The following SLC12A2 variants were observed in gnomAD, a reference collection of about 807,000 sequenced individuals.
SLC12A2 encodes the protein Na-K-2Cl cotransporter 1.
Under a neutral mutation model 136.3 loss-of-function variants are expected in SLC12A2, and 67 were observed. That is an observed-to-expected ratio of 0.49 (90% CI 0.40 to 0.60). SLC12A2 has a LOEUF of 0.60. SLC12A2 is among the 20% of genes least tolerant of loss of function. The pLI is 0.00. For missense variants in SLC12A2, 1,322 were observed against 1,534.7 expected, an observed-to-expected ratio of 0.86 and a Z score of 2.32; for synonymous variants, 619 against 562.9, an observed-to-expected ratio of 1.10 and a Z score of -1.41.
At chr5:128,128,523 C>T (rs906534910) in intron 4 of SLC12A2, among the ~76,000 whole-genome samples, 1 of 151,906 alleles carries the variant, frequency 6.6e-6, no homozygotes, top group East Asian at 1.9e-4. Flanking sequence ...TTAGCGATAA[C>T]AGAAAGGCTG....
rs764759296 is a variant in SLC12A2 at position 128,158,188 on chromosome 5, T to C, written c.2475+24T>C. 6 of 1,558,184 alleles carry C rather than the reference T, an allele frequency of 3.9e-6. 1 individual carries two copies. In the Admixed American group the frequency reaches 9.2e-5, roughly 24 times the overall value. On this transcript the variant is annotated intron_variant, in intron 16 of 26. Transcript: ENST00000262461. Reference sequence around the variant, plus strand: ...TGGTAAGTATCAATTTTGTTTTCTTTTTCAAGTTTTTTTTTAAAGTTTTAT... The same window carrying C: ...TGGTAAGTATCAATTTTGTTTTCTTCTTCAAGTTTTTTTTTAAAGTTTTAT...
intron 24 of SLC12A2, 152 bp downstream of exon 24, chr5:128,183,093 T>TA (rs1419341209): frequency 2.2e-5 from 12 of 547,784 alleles, no homozygotes; most frequent in Non-Finnish European, 3.7e-5. Context: ...GGCATGCATA[T>TA]ATCAGATATT....
intron 14 of SLC12A2, among the ~76,000 whole-genome samples, chr5:128,152,330 A>G (rs1243166151): frequency 1.3e-5 from 2 of 152,180 alleles, no homozygotes; most frequent in African/African-American, 4.8e-5. Flanking sequence ...AAATAACCCA[A>G]ACAGTTAAGT....
intron 1 of SLC12A2, among the ~76,000 whole-genome samples, chr5:128,107,224 GGTT>G (rs1240765871): frequency 6.6e-6 from 1 of 152,066 alleles, no homozygotes; most frequent in Non-Finnish European, 1.5e-5. Context: ...AGCTGAAGTG[GGTT>G]GTTATTGTGA....
chr5:128,167,896 G>T lies in SLC12A2; in HGVS notation c.2723+29G>T, dbSNP rs770974692. 3.1e-6 allele frequency: 4 copies of T among 1,290,658 alleles called. No individual in the cohort carries two copies. In the South Asian group the frequency reaches 4.5e-5, roughly 15 times the overall value. 80.0% of individuals were successfully genotyped at this position (1,290,658 alleles called of 1,614,324 possible). The stretch of plus-strand genomic sequence containing the variant: ...AGTATCTTTTTAATTCAATAATTTA[G>T]TTCATTTAGAAAATGTTAATTTTGA... On this transcript the variant is annotated intron_variant, in intron 18 of 26. Transcript: ENST00000262461.
At chr5:128,146,826 A>C (rs186971461) in intron 10 of SLC12A2, among the ~76,000 whole-genome samples, 97 of 151,860 alleles carry the variant, frequency 6.4e-4, no homozygotes, top group African/African-American at 2.2e-3. Flanking sequence ...TCCTAATAGA[A>C]GTACATGATG....
At position 128,171,263 on chromosome 5, in the gene SLC12A2, C is replaced by T. The variant is rs114497458; in HGVS notation, c.2724-404C>T. On this transcript the variant is annotated intron_variant, in intron 18 of 26. Transcript: ENST00000262461. ...TCATATCCTGCAACCTGCTATCATT[C>T]GCAGTAGCATCAAGGTTTTTGTGTG... Among the ~76,000 whole-genome samples, 413 of 152,194 alleles carry T rather than the reference C, an allele frequency of 2.7e-3. 1 individual carries two copies. Among genetic ancestry groups the T allele is most frequent in the African/African-American group, 9.6e-3 (400 of 41,532 alleles).
chr5:128,132,975 T>C (rs1762075991), intron 5 of SLC12A2, among the ~76,000 whole-genome samples: 1 of 152,140 alleles, frequency 6.6e-6, no homozygotes, highest in Non-Finnish European at 1.5e-5. Context: ...ACATTTATTA[T>C]ATAAAATATT....
At chr5:128,120,198 G>T (rs1351868735) in intron 4 of SLC12A2, among the ~76,000 whole-genome samples, 1 of 151,924 alleles carries the variant, frequency 6.6e-6, no homozygotes, top group Non-Finnish European at 1.5e-5. Flanking sequence ...TCATTAAAAA[G>T]TCAGGAAACA....
intron 4 of SLC12A2, among the ~76,000 whole-genome samples, 199 bp from the exon 5 acceptor site, chr5:128,130,868 A>G (rs1212977595): frequency 6.6e-6 from 1 of 152,100 alleles, no homozygotes; most frequent in Non-Finnish European, 1.5e-5. Flanking sequence ...CATTATCTGG[A>G]TGTTGTGAAT....
intron 22 of SLC12A2, among the ~76,000 whole-genome samples, chr5:128,180,669 C>T (rs1174243721): frequency 6.6e-6 from 1 of 152,160 alleles, no homozygotes; most frequent in Non-Finnish European, 1.5e-5. Context: ...GCCACTATCC[C>T]ATTTGGCTAC....
At chr5:128,147,267 G>A (rs985948679) in intron 10 of SLC12A2, among the ~76,000 whole-genome samples, 5 of 151,472 alleles carry the variant, frequency 3.3e-5, no homozygotes, top group Admixed American at 1.3e-4. Flanking sequence ...TTAGAGATAC[G>A]TACTGACATA....
At position 128,083,915 on chromosome 5, in the gene SLC12A2, G is replaced by A; in HGVS notation, c.-40G>A. ...GTGTGGAGGGCGTGCTGCCGGAGAC[G>A]TCCGCCGGGCTCTGCAGTTCCGCCG... On this transcript the variant is annotated 5_prime_UTR_variant, in exon 1 of 27. Transcript: ENST00000262461. 6 of 1,216,442 alleles carry A rather than the reference G, an allele frequency of 4.9e-6. No homozygotes were observed. The highest frequency in any genetic ancestry group is 6.1e-6 in the Non-Finnish European group (6 of 977,576). The allele number at this position is 1,216,442 out of a possible 1,614,324, so 75.4% of individuals were successfully genotyped here. A position where few individuals can be genotyped will look rare whatever the true frequency, so the allele number is the denominator to read the frequency against.
intron 1 of SLC12A2, among the ~76,000 whole-genome samples, chr5:128,108,367 A>G (rs1008823303): frequency 5.9e-5 from 9 of 152,222 alleles, no homozygotes; most frequent in Non-Finnish European, 1.0e-4. Context: ...TGTTCATGGC[A>G]GCATTATTCA....
At chr5:128,167,671 G>T in intron 17 of SLC12A2, 90 bp from the exon 18 acceptor site, 1 of 821,880 alleles carries the variant, frequency 1.2e-6, no homozygotes. Context: ...GTCTATAGAA[G>T]CTGTCAATTT....
chr5:128,102,383 A>G (rs1278880108), intron 1 of SLC12A2, among the ~76,000 whole-genome samples: 2 of 151,932 alleles, frequency 1.3e-5, no homozygotes, highest in Admixed American at 1.3e-4. Flanking sequence ...ACCCTGACTT[A>G]TGGTGATCAC....
rs1480077722 is a variant in SLC12A2, at chr5:128,178,586, G to T, written c.2997G>T (p.Val999=). The T allele has an allele frequency of 6.3e-7, 1 of 1,590,902 alleles. No individual in the cohort carries two copies. Among genetic ancestry groups the T allele is most frequent in the Non-Finnish European group, 8.5e-7 (1 of 1,170,734 alleles). The change falls in exon 22 of 27, where the codon GTG becomes GTT. Residue 999 remains valine, a synonymous_variant. Coordinates refer to ENST00000262461, the MANE Select transcript of SLC12A2 (RefSeq NM_001046.3). ...LLKKESKGPI[V]PLNVADQKLL... ...CTTTAGAATCCAAAGGCCCTATTGT[G>T]CCTTTAAATGTAGCTGACCAAAAGC...
At chr5:128,158,258 T>C in intron 16 of SLC12A2, 94 bp downstream of exon 16, 1 of 870,990 alleles carries the variant, frequency 1.1e-6, no homozygotes, top group Non-Finnish European at 1.8e-6. Flanking sequence ...GTAGCTAAAT[T>C]GTGTGTCACA....
chr5:128,137,475 A>G (rs1162954285), intron 7 of SLC12A2, among the ~76,000 whole-genome samples: 1 of 152,038 alleles, frequency 6.6e-6, no homozygotes, highest in Non-Finnish European at 1.5e-5. Context: ...TCTCTCTCTC[A>G]TTTGTTATTC....
Sources: gnomAD v4.1 joint callset for allele counts (sites outside exome capture counted in the v4.1 genomes callset) on GRCh38, gnomAD v4.1.1 for gene constraint, MANE v1.5 for transcripts, NCBI Gene and HGNC (gene_info 2026-07-23, HGNC 2026-07-21) for gene names.